Variants in ZNF423 observed in about 807,000 individuals in gnomAD.
ZNF423 encodes Ebf-associated zinc finger protein.
A neutral mutation model predicts 95.8 loss-of-function variants in ZNF423; 12 were observed. That is an observed-to-expected ratio of 0.13 (90% confidence interval 0.08 to 0.20). The LOEUF is 0.20. Ranked by LOEUF, ZNF423 falls within the 10% of genes least tolerant of loss-of-function variation. ZNF423 has a pLI of 1.00. For missense variants in ZNF423, 1,316 were observed against 1,737.1 expected (o/e 0.76, Z 4.31); for synonymous variants, 749 against 711.9 (o/e 1.05, Z -0.83).
At chr16:49,599,120 C>T (rs561032821) in intron 5 of ZNF423, among the ~76,000 whole-genome samples, 1 of 152,314 alleles carries the variant, frequency 6.6e-6, no homozygotes, top group South Asian at 2.1e-4. Flanking sequence ...CACAGACATG[C>T]ACACAACATG....
intron 5 of ZNF423, among the ~76,000 whole-genome samples, chr16:49,591,141 T>C (rs1163442891): frequency 6.6e-6 from 1 of 152,102 alleles, no homozygotes; most frequent in Non-Finnish European, 1.5e-5. Flanking sequence ...TGTGCTAAAA[T>C]AGTACGGACA....
chr16:49,851,768 T>G (rs1651166678), intron 1 of ZNF423, among the ~76,000 whole-genome samples: 1 of 152,242 alleles, frequency 6.6e-6, no homozygotes, highest in African/African-American at 2.4e-5. Flanking sequence ...CTTATTTTAT[T>G]GCTTATTAAG....
chr16:49,632,601 TTGAG>T, intron 4 of ZNF423, among the ~76,000 whole-genome samples: 2 of 152,168 alleles, frequency 1.3e-5, no homozygotes, highest in Non-Finnish European at 2.9e-5. Context: ...CACGGTCCCC[TTGAG>T]TTTCAGTCCC....
intron 5 of ZNF423, among the ~76,000 whole-genome samples, chr16:49,537,257 C>G (rs966814060): frequency 2.0e-5 from 3 of 152,196 alleles, no homozygotes; most frequent in Non-Finnish European, 2.9e-5. Context: ...TCAATAGCAC[C>G]TGGGCTCCTA....
intron 1 of ZNF423, among the ~76,000 whole-genome samples, chr16:49,825,604 C>T (rs776052874): frequency 1.4e-4 from 21 of 151,802 alleles, no homozygotes; most frequent in South Asian, 4.2e-4. Flanking sequence ...GTGGGGGAGA[C>T]ATTCCTGGAA....
intron 2 of ZNF423, among the ~76,000 whole-genome samples, chr16:49,768,403 C>G (rs572471897): frequency 5.0e-4 from 76 of 152,240 alleles, no homozygotes; most frequent in Non-Finnish European, 9.7e-4. Flanking sequence ...GCTGGGCTTC[C>G]CTTCCACACG....
In ZNF423 at chr16:49,518,464, C is replaced by T. The variant is rs142644671; in HGVS notation, c.3849+5160G>A. 214 of 433,668 alleles carry T rather than the reference C, an allele frequency of 4.9e-4. 1 individual carries two copies. The highest frequency in any genetic ancestry group is 3.6e-3 in the African/African-American group (177 of 48,836). 26.9% of individuals were successfully genotyped at this position (433,668 alleles called of 1,614,324 possible). A position where few individuals can be genotyped will look rare whatever the true frequency, so the allele number is the denominator to read the frequency against. ...CAGACTTAGAAAATTTTCCAAATAACTGTGCGCACTGTCTGTCCCTATCTC... is the reference window on the plus strand; with the variant it reads ...CAGACTTAGAAAATTTTCCAAATAATTGTGCGCACTGTCTGTCCCTATCTC... On this transcript the variant is annotated intron_variant, in intron 7 of 7. Coordinates refer to ENST00000563137, the MANE Select transcript of ZNF423 (RefSeq NM_001379286.1).
intron 3 of ZNF423, among the ~76,000 whole-genome samples, chr16:49,671,965 G>C (rs1383165167): frequency 1.3e-5 from 2 of 152,140 alleles, no homozygotes; most frequent in Admixed American, 1.3e-4. Flanking sequence ...GACTACAGGC[G>C]TGAGCCACCG....
chr16:49,637,482 T>C lies in ZNF423; in HGVS notation c.1694A>G (p.Gln565Arg). 6.2e-7 allele frequency: 1 copy of C among 1,613,966 alleles called. No homozygotes were observed. Among genetic ancestry groups the C allele is most frequent in the Non-Finnish European group, 8.5e-7 (1 of 1,179,998 alleles). Residue 565 changes from glutamine (Q) to arginine (R), a missense_variant, in exon 4 of 8, where the codon CAG becomes CGG. Coordinates refer to ENST00000563137, the MANE Select transcript of ZNF423 (RefSeq NM_001379286.1). This position sits in a 1 kb window ranked among gnomAD's most constrained non-coding sequence, Gnocchi z 5.6. ...KLESPVVQPTQSFMEVYSCPY... is the reference protein window; with the variant it reads ...KLESPVVQPTRSFMEVYSCPY... ...GCAGGAATAGACCTCCATGAAGGAC[T>C]GCGTGGGCTGCACCACCGGAGACTC... is the stretch of plus-strand genomic sequence containing the variant.
intron 3 of ZNF423, among the ~76,000 whole-genome samples, chr16:49,703,870 G>C (rs2032269911): frequency 6.6e-6 from 1 of 151,328 alleles, no homozygotes; most frequent in Non-Finnish European, 1.5e-5. Context: ...TCACCAGCTT[G>C]TGCCCAGCCC....
At chr16:49,738,357 G>A (rs1008396750) in intron 2 of ZNF423, among the ~76,000 whole-genome samples, 4 of 152,142 alleles carry the variant, frequency 2.6e-5, no homozygotes, top group Admixed American at 6.5e-5. Flanking sequence ...GGGGCTGGTC[G>A]GGGACCCAGA....
intron 1 of ZNF423, among the ~76,000 whole-genome samples, chr16:49,820,123 C>T (rs758913016): frequency 4.0e-4 from 61 of 151,956 alleles, no homozygotes; most frequent in Non-Finnish European, 7.8e-4. Flanking sequence ...GATGGACAGA[C>T]GGACGGACGG....
chr16:49,842,164 G>A (rs1227822144), intron 1 of ZNF423, among the ~76,000 whole-genome samples: 1 of 148,790 alleles, frequency 6.7e-6, no homozygotes, highest in Admixed American at 6.8e-5. Context: ...CTTGAACCTG[G>A]GAGGCAGAGG....
intron 1 of ZNF423, among the ~76,000 whole-genome samples, chr16:49,821,355 G>A (rs1020933762): frequency 6.6e-6 from 1 of 152,116 alleles, no homozygotes; most frequent in African/African-American, 2.4e-5. Flanking sequence ...GAGCTGGGGA[G>A]GCAATGCAAT....
intron 3 of ZNF423, among the ~76,000 whole-genome samples, chr16:49,713,652 C>T (rs2032613565): frequency 6.6e-6 from 1 of 152,224 alleles, no homozygotes; most frequent in African/African-American, 2.4e-5. Context: ...GCTCCTCCAT[C>T]TCCCGGTTTG....
At chr16:49,496,520 T>G (rs1382939233) in intron 7 of ZNF423, among the ~76,000 whole-genome samples, 1 of 152,214 alleles carries the variant, frequency 6.6e-6, no homozygotes, top group African/African-American at 2.4e-5. Flanking sequence ...CATTGGAAGC[T>G]TCCTGAGGCC....
chr16:49,687,630 A>C (rs1328583917), intron 3 of ZNF423, among the ~76,000 whole-genome samples: 1 of 152,202 alleles, frequency 6.6e-6, no homozygotes, highest in Non-Finnish European at 1.5e-5. Flanking sequence ...CAGATCAAAG[A>C]CATGGGCACA....
At chr16:49,504,174 G>T (rs1481593522) in intron 7 of ZNF423, among the ~76,000 whole-genome samples, 1 of 152,202 alleles carries the variant, frequency 6.6e-6, no homozygotes, top group East Asian at 1.9e-4. Context: ...GAGGTAGATG[G>T]TGGTGATGAT....
chr16:49,498,473 T>C (rs1352618511), intron 7 of ZNF423, among the ~76,000 whole-genome samples: 1 of 152,224 alleles, frequency 6.6e-6, no homozygotes, highest in Non-Finnish European at 1.5e-5. Context: ...GGGGGCCTTA[T>C]TGATGAGGCT....
Sources: allele counts gnomAD v4.1 joint callset (sites outside exome capture counted in the v4.1 genomes callset), GRCh38; gene constraint gnomAD v4.1.1; non-coding constraint Gnocchi (gnomAD v3.1); transcripts MANE v1.5; gene names NCBI Gene and HGNC (gene_info 2026-07-23, HGNC 2026-07-21).